The following LMNA variants were observed in gnomAD, a reference collection of about 807,000 sequenced individuals.
The protein encoded by LMNA is lamin.
LMNA carries 20 observed loss-of-function variants against 70.4 expected under a neutral mutation model. That is an observed-to-expected ratio of 0.28 (90% CI 0.20 to 0.41). LMNA has a LOEUF of 0.41. Ranked by LOEUF, LMNA falls within the 10% of genes least tolerant of loss-of-function variation. The pLI is 1.00. For synonymous variants in LMNA, 339 were observed against 372.8 expected (o/e 0.91, Z 1.04); for missense variants, 652 against 917.2 (o/e 0.71, Z 3.73).
chr1:156,101,252 G>A (rs1163963924), intron 3 of LMNA, among the ~76,000 whole-genome samples: 3 of 152,166 alleles, frequency 2.0e-5, no homozygotes, highest in Non-Finnish European at 4.4e-5. Flanking sequence ...CTTTTAGGAG[G>A]TCAAGGTGGA....
At chr1:156,120,049 G>T (rs896562393) in intron 1 of LMNA, among the ~76,000 whole-genome samples, 7 of 152,108 alleles carry the variant, frequency 4.6e-5, no homozygotes, top group Non-Finnish European at 1.0e-4. Flanking sequence ...GTCAGAAGTG[G>T]GGAGATCCGA....
chr1:156,086,698 G>A (rs1572307647), intron 2 of LMNA, among the ~76,000 whole-genome samples: 1 of 152,202 alleles, frequency 6.6e-6, no homozygotes, highest in South Asian at 2.1e-4. Context: ...GGAGTGCAGT[G>A]GCACGATCTT....
At chr1:156,098,856 G>A (rs535481017) in intron 3 of LMNA, among the ~76,000 whole-genome samples, 8 of 152,308 alleles carry the variant, frequency 5.3e-5, no homozygotes, top group African/African-American at 1.9e-4. Context: ...GAGAAAGGGA[G>A]GAACATAAAC....
At chr1:156,105,757 G>C (rs1649309238) in intron 3 of LMNA, among the ~76,000 whole-genome samples, 1 of 152,178 alleles carries the variant, frequency 6.6e-6, no homozygotes, top group Non-Finnish European at 1.5e-5. Flanking sequence ...ATTTCTTAAA[G>C]AGGGCCTCCC....
At chr1:156,084,267 G>A (rs997808659) in intron 2 of LMNA, among the ~76,000 whole-genome samples, 5 of 147,568 alleles carry the variant, frequency 3.4e-5, no homozygotes, top group Non-Finnish European at 6.0e-5. Context: ...CTGTTTCTTG[G>A]AAAGAGTGAA....
chr1:156,098,853 G>T (rs992987546), intron 3 of LMNA, among the ~76,000 whole-genome samples: 5 of 152,208 alleles, frequency 3.3e-5, no homozygotes, highest in African/African-American at 1.2e-4. Context: ...GGAGAGAAAG[G>T]GAGGAACATA....
intron 1 of LMNA, chr1:156,123,529 C>T (rs1650343683): frequency 1.3e-5 from 2 of 152,336 alleles, no homozygotes; most frequent in Non-Finnish European, 2.9e-5. Flanking sequence ...AAGGGAATCC[C>T]CTAAATGTCC....
Position 156,135,038 on chromosome 1 carries a change from C to T in LMNA, c.810+63C>T. 6.2e-7 allele frequency: 1 copy of T among 1,611,254 alleles called. No homozygotes were observed. The highest frequency in any genetic ancestry group is 2.2e-5 in the East Asian group (1 of 44,858). On this transcript the variant is annotated intron_variant, in intron 4 of 11. Transcript: ENST00000368300. The surrounding 1 kb of genome is among the most constrained non-coding windows in gnomAD (Gnocchi z 4.8). Reference sequence around the variant, plus strand: ...CTTGGCAGCCCTACCCTTACCCACGCTGGGCTATGCCTTCTGGGGATCAGG... The same window carrying T: ...CTTGGCAGCCCTACCCTTACCCACGTTGGGCTATGCCTTCTGGGGATCAGG...
Position 156,138,500 on chromosome 1 carries a change from A to G in LMNA, c.1711A>G (p.Ser571Gly). ...TCTCCCTTCCCAGGGCTCCCACTGC[A>G]GCAGCTCGGGGGACCCCGCTGAGTA... Reference protein sequence around the residue: ...LLHHHHGSHCSSSGDPAEYNL... With the variant: ...LLHHHHGSHCGSSGDPAEYNL... Residue 571 changes from serine (S) to glycine (G), a missense_variant, in exon 11 of 12, where the codon AGC becomes GGC. By Grantham distance (56) the Ser-to-Gly change is moderately conservative. Around this residue, in one of 4 missense-constraint regions of LMNA, gnomAD observed 327 missense variants for 387.6 expected, o/e 0.84. Coordinates refer to ENST00000368300, the MANE Select transcript of LMNA (RefSeq NM_170707.4). This position sits in a 1 kb window ranked among gnomAD's most constrained non-coding sequence, Gnocchi z 5.5. 1.2e-6 allele frequency: 2 copies of G among 1,612,340 alleles called. No individual in the cohort carries two copies. The highest frequency in any genetic ancestry group is 1.7e-6 in the Non-Finnish European group (2 of 1,179,774).
At position 156,139,297 on chromosome 1, in the gene LMNA, C is replaced by T. The variant is rs1455297913; in HGVS notation, c.*191C>T. ...CAGTGGTTTTATACTGAAGGAAAAA[C>T]ACAAGCAAAAAAAAAAAAAAGCATC... On this transcript the variant is annotated 3_prime_UTR_variant, in exon 12 of 12. Coordinates refer to ENST00000368300, the MANE Select transcript of LMNA (RefSeq NM_170707.4). 2 of 1,323,824 alleles carry T rather than the reference C, an allele frequency of 1.5e-6. No individual in the cohort carries two copies. The highest frequency in any genetic ancestry group is 3.2e-5 in the Admixed American group (1 of 31,274). 82.0% of individuals were successfully genotyped at this position (1,323,824 alleles called of 1,614,324 possible).
chr1:156,089,638 C>T (rs1648617922), intron 2 of LMNA, among the ~76,000 whole-genome samples: 2 of 149,280 alleles, frequency 1.3e-5, no homozygotes, highest in Admixed American at 6.7e-5. Context: ...CTTTGGGACT[C>T]GGAGGGCTAC....
chr1:156,089,397 G>C (rs1648604835), intron 2 of LMNA, among the ~76,000 whole-genome samples: 1 of 151,798 alleles, frequency 6.6e-6, no homozygotes, highest in Admixed American at 6.6e-5. Context: ...CTGGGTTCAA[G>C]CGATTCTCCT....
In LMNA at chr1:156,138,735, G is replaced by T; in HGVS notation, c.1946G>T (p.Gly649Val). The change falls in exon 11 of 12, where the codon GGC (glycine) becomes GTC (valine). Residue 649 changes from glycine to valine, a missense_variant. By Grantham distance (109) the Gly-to-Val change is moderately radical. Transcript: ENST00000368300. This position sits in a 1 kb window ranked among gnomAD's most constrained non-coding sequence, Gnocchi z 5.5. The part of the protein sequence containing the change: ...DNLVTRSYLL[G>V]NSSPRTQSPQ... ...CTGGTCACCCGCTCCTACCTCCTGG[G>T]CAACTCCAGCCCCCGAACCCAGGTG... The T allele has an allele frequency of 6.2e-7, 1 of 1,613,450 alleles. No individual in the cohort carries two copies. Among genetic ancestry groups the T allele is most frequent in the Non-Finnish European group, 8.5e-7 (1 of 1,180,008 alleles).
At chr1:156,126,707 C>T in intron 1 of LMNA, 1 of 1,546,870 alleles carries the variant, frequency 6.5e-7, no homozygotes, top group African/African-American at 1.4e-5. Context: ...CCCCTCCCCA[C>T]CCCCTCTCTT....
intron 2 of LMNA, among the ~76,000 whole-genome samples, chr1:156,088,526 A>G (rs1216964157): frequency 6.6e-6 from 1 of 152,208 alleles, no homozygotes; most frequent in African/African-American, 2.4e-5. Context: ...TCTTTGGGGT[A>G]GAGCACGGTG....
At chr1:156,098,497 G>A (rs75976388) in intron 3 of LMNA, among the ~76,000 whole-genome samples, 2 of 152,146 alleles carry the variant, frequency 1.3e-5, no homozygotes, top group East Asian at 1.9e-4. Context: ...CTCATGGCCC[G>A]ACTGTCTACC....
chr1:156,100,600 A>G (rs1231610091), intron 3 of LMNA, among the ~76,000 whole-genome samples: 2 of 151,954 alleles, frequency 1.3e-5, no homozygotes, highest in Non-Finnish European at 2.9e-5. Flanking sequence ...AGCTCAGATG[A>G]AGGGAGGCAG....
chr1:156,139,305 A>AG lies in LMNA; in HGVS notation c.*199_*200insG. On this transcript the variant is annotated 3_prime_UTR_variant, in exon 12 of 12. Transcript: ENST00000368300. ...TTATACTGAAGGAAAAACACAAGCA[A>AG]AAAAAAAAAAAAGCATCTATCTCAT... 3.5e-6 allele frequency: 2 copies of AG among 572,658 alleles called. No individual in the cohort carries two copies. The highest frequency in any genetic ancestry group is 4.8e-6 in the Non-Finnish European group (2 of 421,006). The allele number at this position is 572,658 out of a possible 1,614,324, so 35.5% of individuals were successfully genotyped here.
chr1:156,123,533 A>T (rs1650344012), intron 1 of LMNA: 1 of 152,234 alleles, frequency 6.6e-6, no homozygotes, highest in Non-Finnish European at 1.5e-5. Flanking sequence ...GAATCCCCTA[A>T]ATGTCCCTCG....
Sources: gnomAD v4.1 joint callset for allele counts (sites outside exome capture counted in the v4.1 genomes callset) on GRCh38, gnomAD v4.1.1 for gene constraint, gnomAD v4.1.1 regional missense constraint, Gnocchi (gnomAD v3.1) non-coding constraint, MANE v1.5 for transcripts, NCBI Gene and HGNC (gene_info 2026-07-23, HGNC 2026-07-21) for gene names.